Variants in SEMA6D observed in about 807,000 individuals in gnomAD.
The protein encoded by SEMA6D is semaphorin 6D, also known as semaphorin-6D.
In SEMA6D, 35 loss-of-function variants were observed where a neutral mutation model predicts 106.6. That is an observed-to-expected ratio of 0.33 (90% CI 0.25 to 0.44). The LOEUF (loss-of-function observed/expected upper bound fraction) is 0.44, where lower values mean the gene tolerates loss of function less well. Ranked by LOEUF, SEMA6D falls within the 20% of genes least tolerant of loss-of-function variation. SEMA6D has a pLI of 1.00. For missense variants in SEMA6D, 1,185 were observed against 1,345.9 expected (o/e 0.88, Z 1.87); for synonymous variants, 499 against 487.7 (o/e 1.02, Z -0.31).
intron 3 of SEMA6D, among the ~76,000 whole-genome samples, chr15:47,531,904 A>T (rs964963302): frequency 6.6e-6 from 1 of 152,192 alleles, no homozygotes; most frequent in South Asian, 2.1e-4. Context: ...CACCCAGTGG[A>T]CTAACAGAAT....
At chr15:47,257,511 GT>G (rs1254062055) in intron 1 of SEMA6D, among the ~76,000 whole-genome samples, 1 of 152,124 alleles carries the variant, frequency 6.6e-6, no homozygotes, top group Non-Finnish European at 1.5e-5. Context: ...TTTGAACTCA[GT>G]AATATGTGTA....
At chr15:47,350,590 C>T (rs570238292) in intron 1 of SEMA6D, among the ~76,000 whole-genome samples, 8 of 152,224 alleles carry the variant, frequency 5.3e-5, no homozygotes, top group East Asian at 1.9e-4. Context: ...TGTTTGTTTT[C>T]GTGCGGAGGA....
At chr15:47,495,866 T>A (rs2043637895) in intron 3 of SEMA6D, among the ~76,000 whole-genome samples, 1 of 152,080 alleles carries the variant, frequency 6.6e-6, no homozygotes, top group South Asian at 2.1e-4. Context: ...AAGGTGCCCT[T>A]CATTGAACAT....
chr15:47,217,611 A>G (rs1458051276), intron 1 of SEMA6D, among the ~76,000 whole-genome samples: 1 of 147,804 alleles, frequency 6.8e-6, no homozygotes, highest in East Asian at 2.0e-4. Flanking sequence ...CTCTGGGAGT[A>G]TATGTAATAG....
At chr15:47,314,173 A>T (rs1025667809) in intron 1 of SEMA6D, among the ~76,000 whole-genome samples, 4 of 151,984 alleles carry the variant, frequency 2.6e-5, no homozygotes, top group Non-Finnish European at 5.9e-5. Context: ...ATTTTCCTTT[A>T]TCTGATGACA....
chr15:47,366,270 G>T (rs2039026768), intron 1 of SEMA6D, among the ~76,000 whole-genome samples: 1 of 152,202 alleles, frequency 6.6e-6, no homozygotes, highest in Non-Finnish European at 1.5e-5. Context: ...TGGATACAGA[G>T]AGTGCACTGT....
In SEMA6D at chr15:47,355,853, A is replaced by T. The variant is rs544906473; in HGVS notation, c.-238-56540A>T. ...AAGACCATGTTTTCCCAGTGCAAAG[A>T]TTATAATTACAAAAACAATTTCAGG... is the stretch of plus-strand genomic sequence containing the variant. On this transcript the variant is annotated intron_variant, in intron 1 of 19. Coordinates refer to the SEMA6D transcript ENST00000558014. Among the ~76,000 whole-genome samples, 282 of 152,318 alleles carry T rather than the reference A, an allele frequency of 1.9e-3. 2 individuals are homozygous for T. Among genetic ancestry groups the T allele is most frequent in the African/African-American group, 6.4e-3 (267 of 41,588 alleles).
chr15:47,753,282 A>G (rs938350971), intron 1 of SEMA6D, among the ~76,000 whole-genome samples: 53 of 152,194 alleles, frequency 3.5e-4, no homozygotes, highest in African/African-American at 1.3e-3. Context: ...TTGATGACAA[A>G]GAATTCTGTT....
intron 4 of SEMA6D, among the ~76,000 whole-genome samples, chr15:47,680,619 A>G (rs1344683851): frequency 6.6e-6 from 1 of 152,240 alleles, no homozygotes; most frequent in Non-Finnish European, 1.5e-5. Context: ...AGCTTTGCCT[A>G]TTGCTCAAAT....
At chr15:47,493,609 C>T (rs1405946011) in intron 3 of SEMA6D, among the ~76,000 whole-genome samples, 1 of 152,152 alleles carries the variant, frequency 6.6e-6, no homozygotes, top group Non-Finnish European at 1.5e-5. Context: ...CTCACAATTA[C>T]ACCACCTAAC....
At chr15:47,418,469 T>C (rs1259367994) in intron 2 of SEMA6D, among the ~76,000 whole-genome samples, 3 of 152,070 alleles carry the variant, frequency 2.0e-5, no homozygotes, top group Non-Finnish European at 4.4e-5. Context: ...ATTTTCTTGT[T>C]CATAGGCCGA....
intron 3 of SEMA6D, among the ~76,000 whole-genome samples, chr15:47,584,899 T>G (rs1322002697): frequency 6.6e-6 from 1 of 152,204 alleles, no homozygotes; most frequent in East Asian, 1.9e-4. Flanking sequence ...ACCAAGTGAC[T>G]TCTTGAAGTT....
At chr15:47,694,282 A>G (rs1355121850) in intron 4 of SEMA6D, among the ~76,000 whole-genome samples, 1 of 152,092 alleles carries the variant, frequency 6.6e-6, no homozygotes, top group Admixed American at 6.6e-5. Context: ...AGGTCAAGAG[A>G]ATCTGAAAAA....
At chr15:47,345,452 A>G (rs1397610951) in intron 1 of SEMA6D, among the ~76,000 whole-genome samples, 3 of 152,172 alleles carry the variant, frequency 2.0e-5, no homozygotes, top group Non-Finnish European at 4.4e-5. Context: ...AATTTAACAA[A>G]GAAAGTACAG....
At chr15:47,652,152 C>T (rs2144983896) in intron 4 of SEMA6D, among the ~76,000 whole-genome samples, 1 of 152,268 alleles carries the variant, frequency 6.6e-6, no homozygotes, top group East Asian at 1.9e-4. Context: ...TTGGAATTCC[C>T]TGCTGTCTTT....
At chr15:47,377,466 A>G (rs1381803374) in intron 1 of SEMA6D, among the ~76,000 whole-genome samples, 1 of 152,198 alleles carries the variant, frequency 6.6e-6, no homozygotes, top group Non-Finnish European at 1.5e-5. Context: ...GGATGGGGTT[A>G]AGCTTTTTCC....
At chr15:47,497,595 T>C (rs2043710505) in intron 3 of SEMA6D, among the ~76,000 whole-genome samples, 1 of 152,110 alleles carries the variant, frequency 6.6e-6, no homozygotes. Flanking sequence ...GGCAGACATC[T>C]CCCTAGTAGA....
intron 3 of SEMA6D, among the ~76,000 whole-genome samples, chr15:47,532,733 C>T (rs2045014604): frequency 2.0e-5 from 3 of 152,150 alleles, no homozygotes; most frequent in Admixed American, 2.0e-4. Context: ...TCCTTCAAGG[C>T]TGCTATTGAT....
rs986502278 is a variant in SEMA6D, at chr15:47,726,369, C to T, written c.-55+8677C>T. Among the ~76,000 whole-genome samples, 12 of 152,336 alleles carry T rather than the reference C, an allele frequency of 7.9e-5. No individual in the cohort carries two copies. The East Asian group carries it at 2.3e-3, about 29-fold the overall frequency. On this transcript the variant is annotated intron_variant, in intron 1 of 18. Coordinates refer to ENST00000536845, the MANE Select transcript of SEMA6D (RefSeq NM_001358351.3). ...ACACTTTTAAGAACATGTATTAAAT[C>T]ATTTGATCAGCATTCTTTGACGTGA... is the stretch of plus-strand genomic sequence containing the variant.
Sources: allele counts gnomAD v4.1 joint callset (sites outside exome capture counted in the v4.1 genomes callset), GRCh38; gene constraint gnomAD v4.1.1; transcripts MANE v1.5; gene names NCBI Gene and HGNC (gene_info 2026-07-23, HGNC 2026-07-21).